COMT: variants seen among roughly 807,000 people sequenced by gnomAD.
COMT encodes catechol-O-methyltransferase, also known as catechol O-methyltransferase.
Under a neutral mutation model 18.9 loss-of-function variants are expected in COMT, and 13 were observed. That is an observed-to-expected ratio of 0.69 (90% CI 0.45 to 1.09). The LOEUF (loss-of-function observed/expected upper bound fraction) is 1.09, where lower values mean the gene tolerates loss of function less well. COMT is among the 50% of genes least tolerant of loss of function. The probability of loss-of-function intolerance (pLI) is 0.00; values close to 1 mark genes in which losing one functional copy is unlikely to be tolerated. For missense variants in COMT, 329 were observed against 361.8 expected (o/e 0.91, Z 0.73); for synonymous variants, 150 against 160.9 (o/e 0.93, Z 0.51).
At chr22:19,967,513 G>C in intron 5 of COMT, 1 of 399,412 alleles carries the variant, frequency 2.5e-6, no homozygotes, top group Non-Finnish European at 5.0e-6. Context: ...TGTCCATACT[G>C]TCACATGAAA....
intron 5 of COMT, chr22:19,967,392 C>A (rs949430761): frequency 1.3e-5 from 6 of 458,658 alleles, no homozygotes; most frequent in African/African-American, 1.2e-4. Context: ...ATTGCTAGGA[C>A]ATTTTTTTTT....
intron 1 of COMT, among the ~76,000 whole-genome samples, chr22:19,945,635 T>C (rs1165961156): frequency 6.6e-6 from 1 of 152,182 alleles, no homozygotes; most frequent in East Asian, 1.9e-4. Context: ...TTACGAGTCA[T>C]TGATAGGTTA....
In COMT at chr22:19,957,898, T is replaced by C. The variant is rs117374421; in HGVS notation, c.-91-3301T>C. On this transcript the variant is annotated intron_variant, in intron 1 of 5. Transcript: ENST00000361682. Reference sequence around the variant, plus strand: ...TTTATTCATTTTAATAACTGAATCATACCTCATTGTATGGCTCTACCATGT... The same window carrying C: ...TTTATTCATTTTAATAACTGAATCACACCTCATTGTATGGCTCTACCATGT... Among the ~76,000 whole-genome samples, 339 of 152,346 alleles carry C rather than the reference T, an allele frequency of 2.2e-3. 2 individuals carry two copies. The highest frequency in any genetic ancestry group is 4.1e-3 in the Non-Finnish European group (278 of 68,034).
In COMT at chr22:19,969,871, G is replaced by C; in HGVS notation, c.*1135G>C. The C allele has an allele frequency of 1.0e-6, 1 of 985,466 alleles. No individual in the cohort carries two copies. Among genetic ancestry groups the C allele is most frequent in the Non-Finnish European group, 1.2e-6 (1 of 829,938 alleles). The allele number at this position is 985,466 out of a possible 1,614,324, so 61.0% of individuals were successfully genotyped here. A position where few individuals can be genotyped will look rare whatever the true frequency, so the allele number is the denominator to read the frequency against. Reference sequence around the variant, plus strand: ...AGGGAGAAGCCAGCCACTTGTGCCAGACCTGAGTGGCAGAAAGCAAAAAGT... The same window carrying C: ...AGGGAGAAGCCAGCCACTTGTGCCACACCTGAGTGGCAGAAAGCAAAAAGT... On this transcript the variant is annotated 3_prime_UTR_variant, in exon 6 of 6. Transcript: ENST00000361682.
chr22:19,950,213 T>G (rs1184209370), intron 1 of COMT, among the ~76,000 whole-genome samples: 1 of 150,878 alleles, frequency 6.6e-6, no homozygotes, highest in East Asian at 1.9e-4. Flanking sequence ...TTACTCTATT[T>G]TATATATTTT....
chr22:19,941,947 G>A, intron 1 of COMT, 50 bp downstream of exon 1: 1 of 793,272 alleles, frequency 1.3e-6, no homozygotes, highest in South Asian at 2.7e-5. Context: ...TTCGGGGCGG[G>A]GGCCTTCAGA....
At chr22:19,961,061 C>G (rs759507617) in intron 1 of COMT, 138 bp from the exon 2 acceptor site, 6 of 152,274 alleles carry the variant, frequency 3.9e-5, no homozygotes, top group African/African-American at 1.4e-4. Context: ...AAAGGCGAAG[C>G]ACTGCCCTCG....
rs759852947 is a variant in COMT, at chr22:19,968,741, C to CG, written c.*5_*6insG. 1 of 1,608,456 alleles carries CG rather than the reference C, an allele frequency of 6.2e-7. No homozygotes were observed. Among genetic ancestry groups the CG allele is most frequent in the Admixed American group, 1.7e-5 (1 of 59,900 alleles). On this transcript the variant is annotated 3_prime_UTR_variant, in exon 6 of 6. Coordinates refer to ENST00000361682, the MANE Select transcript of COMT (RefSeq NM_000754.4). ...GGCAGCGAAGCAGGGCCCTGACTGC[C>CG]CCCCCGGCCCCCCTCTCGGGCTCTC...
chr22:19,951,470 G>A (rs983865428), intron 1 of COMT: 1 of 151,754 alleles, frequency 6.6e-6, no homozygotes, highest in Non-Finnish European at 1.5e-5. Flanking sequence ...ATATTCTTCC[G>A]GACCACTGGA....
At chr22:19,958,789 G>C (rs373356202) in intron 1 of COMT, among the ~76,000 whole-genome samples, 6 of 151,772 alleles carry the variant, frequency 4.0e-5, no homozygotes, top group Non-Finnish European at 7.4e-5. Flanking sequence ...TACTTGGGGG[G>C]GCTGAGGCAG....
intron 5 of COMT, chr22:19,965,464 C>T (rs1942338293): frequency 6.6e-6 from 1 of 152,208 alleles, no homozygotes; most frequent in Non-Finnish European, 1.5e-5. Context: ...GCCTTAGCCT[C>T]CTGAGTAGCT....
In COMT at chr22:19,968,742, C is replaced by CA. The variant is rs765203563; in HGVS notation, c.*6_*7insA. 5 of 1,608,438 alleles carry CA rather than the reference C, an allele frequency of 3.1e-6. No individual in the cohort carries two copies. The highest frequency in any genetic ancestry group is 1.1e-5 in the South Asian group (1 of 90,842). ...GCAGCGAAGCAGGGCCCTGACTGCC[C>CA]CCCCGGCCCCCCTCTCGGGCTCTCT... On this transcript the variant is annotated 3_prime_UTR_variant, in exon 6 of 6. Coordinates refer to ENST00000361682, the MANE Select transcript of COMT (RefSeq NM_000754.4).
rs868336639 is a variant in COMT at position 19,967,398 on chromosome 22, T to C, written c.616-1138T>C. 6.3e-6 allele frequency: 3 copies of C among 477,276 alleles called. No individual in the cohort carries two copies. The Middle Eastern group carries it at 9.7e-4, about 155-fold the overall frequency. 29.6% of individuals were successfully genotyped at this position (477,276 alleles called of 1,614,324 possible). On this transcript the variant is annotated intron_variant, in intron 5 of 5. Transcript: ENST00000361682. ...TCAGCTGACATTGCTAGGACATTTT[T>C]TTTTTTTTCTAAATGAAAACACATC...
At chr22:19,959,415 T>G (rs1942139264) in intron 1 of COMT, among the ~76,000 whole-genome samples, 1 of 152,218 alleles carries the variant, frequency 6.6e-6, no homozygotes, top group Non-Finnish European at 1.5e-5. Context: ...TGGGTGGGCG[T>G]GGTCCCAAAG....
Position 19,969,545 on chromosome 22 carries a change from C to G in COMT, c.*809C>G, listed in dbSNP as rs1420216778. On this transcript the variant is annotated 3_prime_UTR_variant, in exon 6 of 6. Coordinates refer to ENST00000361682, the MANE Select transcript of COMT (RefSeq NM_000754.4). ...TCCCCATCTCCTCCAAGGGGTCAGA[C>G]TGCTAGCCACCTCAGAGGCTCCAAG... The G allele has an allele frequency of 1.3e-5, 2 of 152,404 alleles. No individual in the cohort carries two copies. The highest frequency in any genetic ancestry group is 2.9e-5 in the Non-Finnish European group (2 of 68,190). 9.4% of individuals were successfully genotyped at this position (152,404 alleles called of 1,614,324 possible).
At chr22:19,966,257 T>C (rs984593643) in intron 5 of COMT, among the ~76,000 whole-genome samples, 12 of 152,008 alleles carry the variant, frequency 7.9e-5, no homozygotes, top group African/African-American at 2.7e-4. Flanking sequence ...AACCTGGCTC[T>C]TGTGAGGGTC....
rs527641157 is a variant in COMT, at chr22:19,952,411, G to A, written c.-91-8788G>A. On this transcript the variant is annotated intron_variant, in intron 1 of 5. Coordinates refer to ENST00000361682, the MANE Select transcript of COMT (RefSeq NM_000754.4). ...TCCCAGCACTTTGGGAGGCCAAGGC[G>A]GGCGGATCATGAGGTCAGGAGATCG... 4.6e-5 allele frequency among the ~76,000 whole-genome samples: 7 copies of A among 152,276 alleles called. No homozygotes were observed. The South Asian group carries it at 8.3e-4, about 18-fold the overall frequency.
intron 1 of COMT, among the ~76,000 whole-genome samples, chr22:19,957,974 G>A (rs950906350): frequency 6.6e-6 from 1 of 152,164 alleles, no homozygotes; most frequent in African/African-American, 2.4e-5. Flanking sequence ...TCTACCTGTT[G>A]GCCATTGTGG....
Position 19,964,526 on chromosome 22 carries a change from A to G in COMT, c.615+227A>G, listed in dbSNP as rs1017451272. The G allele has an allele frequency of 8.7e-6, 6 of 686,682 alleles. No homozygotes were observed. In the African/African-American group the frequency reaches 1.1e-4, roughly 12 times the overall value. 42.5% of individuals were successfully genotyped at this position (686,682 alleles called of 1,614,324 possible). A position where few individuals can be genotyped will look rare whatever the true frequency, so the allele number is the denominator to read the frequency against. ...GGCCTGGCTGGGTGGCCTGTTGGGA[A>G]CTGGGGAGCCAGCTGCCTGTGCAGG... On this transcript the variant is annotated intron_variant, in intron 5 of 5. Transcript: ENST00000361682.
Sources: allele counts gnomAD v4.1 joint callset (sites outside exome capture counted in the v4.1 genomes callset), GRCh38; gene constraint gnomAD v4.1.1; transcripts MANE v1.5; gene names NCBI Gene and HGNC (gene_info 2026-07-23, HGNC 2026-07-21).